Variants in KCNG2 observed in about 807,000 individuals in gnomAD.
KCNG2 encodes voltage-gated potassium channel regulatory subunit KCNG2.
Under a neutral mutation model 12.3 loss-of-function variants are expected in KCNG2, and 7 were observed. The ratio of observed to expected loss-of-function variants is 0.57; its 90% CI spans 0.32 to 1.07. The LOEUF (loss-of-function observed/expected upper bound fraction) is 1.07, where lower values mean the gene tolerates loss of function less well. Among genes scored for constraint, KCNG2 ranks in the 50% least tolerant of loss-of-function variants. KCNG2 has a pLI of 0.04. For synonymous variants in KCNG2, 414 were observed against 351.4 expected (o/e 1.18, Z -1.99); for missense variants, 703 against 726.0 (o/e 0.97, Z 0.36).
At chr18:79,893,157 T>C (rs1009701685) in intron 3 of KCNG2, among the ~76,000 whole-genome samples, 1 of 152,086 alleles carries the variant, frequency 6.6e-6, no homozygotes, top group African/African-American at 2.4e-5. Context: ...CATCTAATGT[T>C]ATGATTGATA....
intron 3 of KCNG2, among the ~76,000 whole-genome samples, chr18:79,888,448 GTCC>G (rs1205294073): frequency 3.1e-5 from 3 of 98,270 alleles, no homozygotes; most frequent in African/African-American, 8.7e-5. Flanking sequence ...GGACGGCGGC[GTCC>G]TCCTCATGAG....
At chr18:79,828,509 G>A (rs991920276) in intron 1 of KCNG2, among the ~76,000 whole-genome samples, 3 of 22,992 alleles carry the variant, frequency 1.3e-4, no homozygotes, top group Admixed American at 1.9e-3. Context: ...ACATGAGTCT[G>A]TGTAGTGTAA....
chr18:79,799,659 G>A (rs947124724), intron 1 of KCNG2, among the ~76,000 whole-genome samples: 1 of 152,230 alleles, frequency 6.6e-6, no homozygotes, highest in African/African-American at 2.4e-5. Context: ...TTGAGATTTC[G>A]ATAATTTAAG....
intron 1 of KCNG2, among the ~76,000 whole-genome samples, chr18:79,841,691 A>G (rs1978464413): frequency 6.6e-6 from 1 of 152,240 alleles, no homozygotes; most frequent in Non-Finnish European, 1.5e-5. Flanking sequence ...ATTAAAAGAC[A>G]GTGAGGAGTG....
intron 1 of KCNG2, among the ~76,000 whole-genome samples, chr18:79,836,407 C>T (rs1386207417): frequency 6.6e-6 from 1 of 152,172 alleles, no homozygotes; most frequent in East Asian, 1.9e-4. Context: ...GAAACATTCA[C>T]AGTTGTGGTT....
intron 1 of KCNG2, among the ~76,000 whole-genome samples, chr18:79,829,531 A>G (rs1382996452): frequency 1.3e-5 from 2 of 151,612 alleles, no homozygotes; most frequent in Admixed American, 6.6e-5. Flanking sequence ...CTGCCTCCCT[A>G]CGGCCGGTGG....
intron 1 of KCNG2, among the ~76,000 whole-genome samples, chr18:79,816,959 C>A (rs2087533106): frequency 6.6e-6 from 1 of 152,220 alleles, no homozygotes; most frequent in South Asian, 2.1e-4. Context: ...ACGGCTGTCA[C>A]ATGGCTGTCA....
intron 3 of KCNG2, among the ~76,000 whole-genome samples, chr18:79,878,060 G>C (rs940242681): frequency 6.6e-6 from 1 of 152,268 alleles, no homozygotes; most frequent in African/African-American, 2.4e-5. Flanking sequence ...CGGCGCTGCC[G>C]CGTGGTGTGA....
At chr18:79,879,854 G>C (rs1980226364) in intron 3 of KCNG2, among the ~76,000 whole-genome samples, 1 of 152,190 alleles carries the variant, frequency 6.6e-6, no homozygotes, top group Non-Finnish European at 1.5e-5. Context: ...TCCATGGTGA[G>C]AGGGAAGAAA....
At chr18:79,864,326 G>A in intron 3 of KCNG2, 35 bp downstream of exon 3, 1 of 1,416,648 alleles carries the variant, frequency 7.1e-7, no homozygotes, top group Non-Finnish European at 9.3e-7. Context: ...GACCGGGCCG[G>A]AGCTGGGGCT....
intron 1 of KCNG2, among the ~76,000 whole-genome samples, chr18:79,798,223 G>C (rs1172602046): frequency 6.6e-6 from 1 of 151,434 alleles, no homozygotes; most frequent in Non-Finnish European, 1.5e-5. Flanking sequence ...GGGGCGGCTC[G>C]GGGCCGGGCG....
In KCNG2 at chr18:79,899,591, C is replaced by T. The variant is rs78587287; in HGVS notation, c.1176C>T (p.Ser392=). 2,172 of 1,599,370 alleles carry T rather than the reference C, an allele frequency of 1.4e-3. 5 individuals carry two copies. Among genetic ancestry groups the T allele is most frequent in the Non-Finnish European group, 1.7e-3 (1,965 of 1,172,414 alleles). ...GQVVALSSIL[S]GILLMAFPVT... ...TGGTGGCGCTCAGCAGCATCCTCAGCGGCATCCTGCTCATGGCCTTCCCGG... is the reference window on the plus strand; with the variant it reads ...TGGTGGCGCTCAGCAGCATCCTCAGTGGCATCCTGCTCATGGCCTTCCCGG... The change falls in exon 4 of 4, where the codon AGC becomes AGT. Residue 392 remains serine, a synonymous_variant. Transcript: ENST00000316249.
chr18:79,856,009 G>A (rs1978997470), intron 1 of KCNG2, among the ~76,000 whole-genome samples: 2 of 152,198 alleles, frequency 1.3e-5, no homozygotes, highest in East Asian at 1.9e-4. Context: ...GAATGGGGAG[G>A]AACTCCAGAG....
chr18:79,823,177 C>T (rs1190638442), intron 1 of KCNG2, among the ~76,000 whole-genome samples: 4 of 152,226 alleles, frequency 2.6e-5, no homozygotes, highest in Non-Finnish European at 4.4e-5. Context: ...GAAGTCATCT[C>T]GTGGCAGGCC....
chr18:79,890,442 C>G (rs111922601), intron 3 of KCNG2, among the ~76,000 whole-genome samples: 1 of 152,120 alleles, frequency 6.6e-6, no homozygotes, highest in Non-Finnish European at 1.5e-5. Context: ...GCACAGCACC[C>G]GACAGCACGT....
intron 3 of KCNG2, among the ~76,000 whole-genome samples, chr18:79,872,287 T>TTTTTGTTG (rs1555695122): frequency 1.1e-4 from 12 of 113,506 alleles, no homozygotes; most frequent in African/African-American, 3.3e-4. Context: ...TCAGTTTTTT[T>TTTTTGTTG]TTTTTTTTTT....
chr18:79,834,251 C>T (rs1978311759), intron 1 of KCNG2, among the ~76,000 whole-genome samples: 1 of 152,218 alleles, frequency 6.6e-6, no homozygotes. Flanking sequence ...ACTGAGCAAA[C>T]GTCCTGTCCT....
intron 3 of KCNG2, among the ~76,000 whole-genome samples, chr18:79,882,742 T>C (rs1169747619): frequency 6.2e-5 from 9 of 144,150 alleles, no homozygotes; most frequent in Admixed American, 7.0e-5. Context: ...TGCCATGGAG[T>C]GGCGAGGCTG....
rs2122980487 is a variant in KCNG2, at chr18:79,797,994, C to A, written c.-135C>A. 6.6e-6 allele frequency among the ~76,000 whole-genome samples: 1 copy of A among 151,014 alleles called. No homozygotes were observed. The highest frequency in any genetic ancestry group is 2.0e-4 in the East Asian group (1 of 5,092). On this transcript the variant is annotated 5_prime_UTR_variant, in exon 1 of 4. Transcript: ENST00000316249. ...CCGGCCGGGTAAGCGGAGCCCGGAG[C>A]TCGCGGAGTCTGGACCGCAGGTAAA...
Sources: gnomAD v4.1 joint callset for allele counts (sites outside exome capture counted in the v4.1 genomes callset) on GRCh38, gnomAD v4.1.1 for gene constraint, MANE v1.5 for transcripts, NCBI Gene and HGNC (gene_info 2026-07-23, HGNC 2026-07-21) for gene names.